The following BLM variants were observed in gnomAD, a reference collection of about 807,000 sequenced individuals.
The protein encoded by BLM is BLM RecQ like helicase.
A neutral mutation model predicts 135.3 loss-of-function variants in BLM; 95 were observed. The observed-to-expected ratio is 0.70, with a 90% CI of 0.59 to 0.83. The LOEUF (loss-of-function observed/expected upper bound fraction) is 0.83. Ranked by LOEUF, BLM falls within the 40% of genes least tolerant of loss-of-function variation. The pLI is 0.00. For synonymous variants in BLM, 520 were observed against 589.2 expected, an observed-to-expected ratio of 0.88 and a Z score of 1.70; for missense variants, 1,518 against 1,663.9, an observed-to-expected ratio of 0.91 and a Z score of 1.53.
At chr15:90,741,634 A>G (rs929485724) in intron 1 of BLM, among the ~76,000 whole-genome samples, 3 of 152,226 alleles carry the variant, frequency 2.0e-5, no homozygotes, top group Admixed American at 6.5e-5. Flanking sequence ...CTGAGATTTT[A>G]CCCTACATTT....
In BLM at chr15:90,794,267, G is replaced by C; in HGVS notation, c.3120G>C (p.Gln1040His). 6.2e-7 allele frequency: 1 copy of C among 1,607,156 alleles called. No homozygotes were observed. The highest frequency in any genetic ancestry group is 8.5e-7 in the Non-Finnish European group (1 of 1,176,038). Reference sequence around the variant, plus strand: ...ATATAACGGAATGCAGGAGAATACAGCTTTTGGCCTACTTTGGTGAAAATG... The same window carrying C: ...ATATAACGGAATGCAGGAGAATACACCTTTTGGCCTACTTTGGTGAAAATG... The part of the protein sequence containing the change: ...CENITECRRI[Q>H]LLAYFGENGF... Residue 1040 changes from glutamine to histidine, a missense_variant, in exon 16 of 22, where the codon CAG (glutamine) becomes CAC (histidine). By Grantham distance (24) the Gln-to-His change is conservative. Transcript: ENST00000355112.
At chr15:90,784,266 C>A (rs1896686155) in intron 13 of BLM, among the ~76,000 whole-genome samples, 1 of 148,202 alleles carries the variant, frequency 6.7e-6, no homozygotes, top group Admixed American at 6.7e-5. Flanking sequence ...AAAGGTATTT[C>A]TAAGACTCTT....
intron 17 of BLM, among the ~76,000 whole-genome samples, chr15:90,802,433 T>A (rs1897185960): frequency 6.6e-6 from 1 of 152,236 alleles, no homozygotes; most frequent in Admixed American, 6.5e-5. Context: ...CAACTGTGGC[T>A]CTCGGCTAGT....
intron 1 of BLM, among the ~76,000 whole-genome samples, chr15:90,736,216 C>T (rs1354237631): frequency 6.6e-6 from 1 of 152,150 alleles, no homozygotes; most frequent in Non-Finnish European, 1.5e-5. Context: ...GCCCTTTGAC[C>T]CAGCCATTCC....
At chr15:90,798,463 T>G in intron 17 of BLM, 126 bp downstream of exon 17, 4 of 944,758 alleles carry the variant, frequency 4.2e-6, no homozygotes, top group Non-Finnish European at 6.4e-6. Flanking sequence ...TGAATAAAAC[T>G]TTTAAGTAAC....
chr15:90,725,499 T>C (rs1336666780), intron 1 of BLM, among the ~76,000 whole-genome samples: 7 of 143,920 alleles, frequency 4.9e-5, no homozygotes, highest in South Asian at 2.2e-4. Flanking sequence ...TTACAGTCCC[T>C]TTTTTTTTTT....
Position 90,815,080 on chromosome 15 carries a change from T to C in BLM, c.4077-22T>C. Reference sequence around the variant, plus strand: ...TTTTGGTTTCATTTAACATTTTGATTTTTTTCTTTGTCACATTTCAGGGGG... The same window carrying C: ...TTTTGGTTTCATTTAACATTTTGATCTTTTTCTTTGTCACATTTCAGGGGG... On this transcript the variant is annotated intron_variant, in intron 21 of 21. Transcript: ENST00000355112. The surrounding 1 kb of genome is among the most constrained non-coding windows in gnomAD (Gnocchi z 4.6). The C allele has an allele frequency of 6.2e-7, 1 of 1,613,018 alleles. No homozygotes were observed. Among genetic ancestry groups the C allele is most frequent in the Non-Finnish European group, 8.5e-7 (1 of 1,179,910 alleles).
chr15:90,777,030 T>C (rs934580490), intron 12 of BLM, among the ~76,000 whole-genome samples: 7 of 151,986 alleles, frequency 4.6e-5, no homozygotes, highest in Non-Finnish European at 8.8e-5. Context: ...GGAGATGGGG[T>C]CTTACTCTCA....
intron 1 of BLM, among the ~76,000 whole-genome samples, chr15:90,733,097 A>T (rs1442713860): frequency 6.6e-6 from 1 of 152,206 alleles, no homozygotes; most frequent in East Asian, 1.9e-4. Context: ...TGTCTCAAAA[A>T]AATTAAAAAA....
At chr15:90,725,803 G>A (rs1384700558) in intron 1 of BLM, among the ~76,000 whole-genome samples, 9 of 151,400 alleles carry the variant, frequency 5.9e-5, no homozygotes, top group South Asian at 2.1e-4. Context: ...GAGCCACCGC[G>A]CCCAGCCTAC....
intron 12 of BLM, among the ~76,000 whole-genome samples, chr15:90,770,674 G>A (rs1896289258): frequency 6.6e-6 from 1 of 152,204 alleles, no homozygotes; most frequent in Admixed American, 6.5e-5. Flanking sequence ...AACATGGTAT[G>A]CCTGAAGGAG....
rs771208627 is a variant in BLM, at chr15:90,769,124, C to T, written c.2308-9C>T. 4 of 1,583,532 alleles carry T rather than the reference C, an allele frequency of 2.5e-6. No homozygotes were observed. Among genetic ancestry groups the T allele is most frequent in the Admixed American group, 3.3e-5 (2 of 59,980 alleles). On this transcript the variant is annotated splice_polypyrimidine_tract_variant and intron_variant, in intron 10 of 21. Transcript: ENST00000355112. ...GTGTTTTTACATGTCTAATGTATTT[C>T]TGGCCTAGATCTGTGCAAGTAACAG...
At chr15:90,750,181 C>G (rs1895644718) in intron 3 of BLM, 114 bp downstream of exon 3, 2 of 1,144,824 alleles carry the variant, frequency 1.7e-6, no homozygotes, top group African/African-American at 3.1e-5. Flanking sequence ...TTGTTAGGGT[C>G]TTTAGTGGTG....
intron 1 of BLM, 126 bp from the exon 2 acceptor site, chr15:90,747,263 A>AAG: frequency 2.2e-6 from 1 of 459,624 alleles, no homozygotes; most frequent in Non-Finnish European, 3.8e-6. Context: ...AAAAAAAAAA[A>AAG]GTCCTATTAC....
At chr15:90,784,790 G>A (rs1030857934) in intron 13 of BLM, 131 bp from the exon 14 acceptor site, 6 of 924,124 alleles carry the variant, frequency 6.5e-6, no homozygotes, top group Non-Finnish European at 9.9e-6. Flanking sequence ...TCACGTGTGT[G>A]GTCTTCCAGC....
chr15:90,750,615 ATCAT>A (rs1290455430), intron 3 of BLM, among the ~76,000 whole-genome samples: 42 of 152,298 alleles, frequency 2.8e-4, no homozygotes, highest in African/African-American at 1.0e-3. Flanking sequence ...CAATGCCTAC[ATCAT>A]TCACCTCTCT....
At chr15:90,745,873 C>G (rs558909862) in intron 1 of BLM, among the ~76,000 whole-genome samples, 4 of 152,068 alleles carry the variant, frequency 2.6e-5, no homozygotes, top group African/African-American at 9.7e-5. Context: ...CTCAGGAGTT[C>G]GAGACCAGCC....
intron 8 of BLM, among the ~76,000 whole-genome samples, chr15:90,764,309 T>G (rs1033336743): frequency 6.7e-6 from 1 of 149,392 alleles, no homozygotes; most frequent in African/African-American, 2.4e-5. Flanking sequence ...TTATAATATA[T>G]AGTGTGTGTG....
chr15:90,787,500 A>C (rs888713054), intron 14 of BLM, among the ~76,000 whole-genome samples: 9 of 152,230 alleles, frequency 5.9e-5, no homozygotes, highest in Admixed American at 5.9e-4. Flanking sequence ...GAAGATTCAG[A>C]GGAAAAATAT....
Sources: gnomAD v4.1 joint callset for allele counts (sites outside exome capture counted in the v4.1 genomes callset) on GRCh38, gnomAD v4.1.1 for gene constraint, Gnocchi (gnomAD v3.1) non-coding constraint, MANE v1.5 for transcripts, NCBI Gene and HGNC (gene_info 2026-07-23, HGNC 2026-07-21) for gene names.